CREB1: variants seen among roughly 807,000 people sequenced by gnomAD.
CREB1 encodes the protein cyclic AMP-responsive element-binding protein 1.
A neutral mutation model predicts 42.0 loss-of-function variants in CREB1; 2 were observed. The observed-to-expected ratio is 0.05, with a 90% CI of 0.02 to 0.15. The LOEUF (loss-of-function observed/expected upper bound fraction) is 0.15, where lower values mean the gene tolerates loss of function less well. CREB1 is among the 10% of genes least tolerant of loss of function. The pLI, the probability that CREB1 is intolerant of heterozygous loss-of-function variation, is 1.00. For synonymous variants in CREB1, 123 were observed against 139.9 expected (o/e 0.88, Z 0.85); for missense variants, 199 against 388.9 (o/e 0.51, Z 4.11).
chr2:207,586,607 G>T (rs1383849206), intron 7 of CREB1, among the ~76,000 whole-genome samples: 1 of 152,156 alleles, frequency 6.6e-6, no homozygotes, highest in Non-Finnish European at 1.5e-5. Context: ...AAAGGAAACA[G>T]AGTGAAGAGA....
At chr2:207,542,257 T>C (rs1395229755) in intron 1 of CREB1, among the ~76,000 whole-genome samples, 1 of 152,222 alleles carries the variant, frequency 6.6e-6, no homozygotes. Flanking sequence ...ACCAGCAGTG[T>C]ATTAGGGTTC....
At chr2:207,547,845 C>T (rs1190721020) in intron 1 of CREB1, among the ~76,000 whole-genome samples, 2 of 151,906 alleles carry the variant, frequency 1.3e-5, no homozygotes, top group African/African-American at 4.8e-5. Context: ...AGCACTACAG[C>T]TTTCTTGTTG....
intron 1 of CREB1, among the ~76,000 whole-genome samples, chr2:207,533,587 T>G (rs966715281): frequency 1.3e-5 from 2 of 152,236 alleles, no homozygotes; most frequent in African/African-American, 4.8e-5. Flanking sequence ...ACAGCCAGCT[T>G]GTGACATAGT....
chr2:207,561,211 G>A, intron 3 of CREB1: 1 of 1,453,554 alleles, frequency 6.9e-7, no homozygotes, highest in Non-Finnish European at 9.6e-7. Context: ...AAAGGAAGGT[G>A]AGAAATTATT....
intron 1 of CREB1, among the ~76,000 whole-genome samples, chr2:207,540,347 A>AT (rs1166823618): frequency 6.6e-6 from 1 of 152,144 alleles, no homozygotes. Context: ...TTAACAAAAA[A>AT]TTTTAAAAAG....
chr2:207,600,175 T>TC lies in CREB1; in HGVS notation c.*3118dup, dbSNP rs2086787069. 1.1e-5 allele frequency: 2 copies of TC among 177,084 alleles called. No individual in the cohort carries two copies. Among genetic ancestry groups the TC allele is most frequent in the African/African-American group, 4.8e-5 (2 of 42,034 alleles). 11.0% of individuals were successfully genotyped at this position (177,084 alleles called of 1,614,324 possible). On this transcript the variant is annotated 3_prime_UTR_variant, in exon 8 of 8. Coordinates refer to ENST00000353267, the MANE Select transcript of CREB1 (RefSeq NM_004379.5). ...TACCATATTGGCAACCATAATATTG[T>TC]CATAGGTGCTCTCTTCATTTAGATA...
chr2:207,550,507 T>C (rs927757899), intron 1 of CREB1: 3 of 152,160 alleles, frequency 2.0e-5, no homozygotes, highest in Admixed American at 6.5e-5. Context: ...GTGGGGAAGA[T>C]GGGTTTATTT....
intron 7 of CREB1, 82 bp downstream of exon 7, chr2:207,577,737 G>A: frequency 6.6e-7 from 1 of 1,519,720 alleles, no homozygotes; most frequent in Non-Finnish European, 9.0e-7. Context: ...TACATCTACT[G>A]GTAATAGGAT....
At chr2:207,588,492 T>C (rs2084304774) in intron 7 of CREB1, among the ~76,000 whole-genome samples, 2 of 152,216 alleles carry the variant, frequency 1.3e-5, no homozygotes, top group South Asian at 4.1e-4. Flanking sequence ...TAAAATTGTT[T>C]GGCTATTCTG....
Position 207,600,580 on chromosome 2 carries a change from A to G in CREB1, c.*3522A>G. 4.7e-6 allele frequency: 1 copy of G among 212,354 alleles called. No individual in the cohort carries two copies. The allele number at this position is 212,354 out of a possible 1,614,324, so 13.2% of individuals were successfully genotyped here. A position where few individuals can be genotyped will look rare whatever the true frequency, so the allele number is the denominator to read the frequency against. ...CTATAACAGTGGTAAGAACATTTTG[A>G]AGATAGCTTTTTAAAGGAACCACTG... is the stretch of plus-strand genomic sequence containing the variant. On this transcript the variant is annotated 3_prime_UTR_variant, in exon 8 of 8. Coordinates refer to ENST00000353267, the MANE Select transcript of CREB1 (RefSeq NM_004379.5).
chr2:207,582,360 A>G (rs888536237), intron 7 of CREB1, among the ~76,000 whole-genome samples: 11 of 152,232 alleles, frequency 7.2e-5, no homozygotes, highest in Non-Finnish European at 1.3e-4. Flanking sequence ...GGAATTTTGT[A>G]TATCTCCATC....
chr2:207,530,521 A>G (rs2080557392), intron 1 of CREB1, among the ~76,000 whole-genome samples: 1 of 144,394 alleles, frequency 6.9e-6, no homozygotes, highest in Non-Finnish European at 1.5e-5. Context: ...GGGAACCCGG[A>G]GCCGCCCCGG....
rs978292093 is a variant in CREB1, at chr2:207,602,038, A to T, written c.*4980A>T. ...TCATGAAGCTGAGTCAGTATGGAAA[A>T]TTTTCAAATAAACAGGGTGCTGAAG... On this transcript the variant is annotated 3_prime_UTR_variant, in exon 8 of 8. Coordinates refer to ENST00000353267, the MANE Select transcript of CREB1 (RefSeq NM_004379.5). The T allele has an allele frequency of 2.0e-4, 41 of 205,028 alleles. No individual in the cohort carries two copies. The highest frequency in any genetic ancestry group is 1.0e-3 in the Admixed American group (17 of 16,720). 12.7% of individuals were successfully genotyped at this position (205,028 alleles called of 1,614,324 possible). A position where few individuals can be genotyped will look rare whatever the true frequency, so the allele number is the denominator to read the frequency against.
intron 7 of CREB1, among the ~76,000 whole-genome samples, chr2:207,589,162 G>A (rs2084489103): frequency 6.6e-6 from 1 of 152,144 alleles, no homozygotes; most frequent in South Asian, 2.1e-4. Context: ...TTGTTTTCCA[G>A]TTCTATAAGA....
intron 1 of CREB1, among the ~76,000 whole-genome samples, chr2:207,552,822 G>C (rs537159722): frequency 1.2e-4 from 18 of 151,986 alleles, no homozygotes; most frequent in African/African-American, 4.3e-4. Context: ...CACCGTGTTG[G>C]CCAAGCTGAT....
At chr2:207,564,385 G>A (rs2082063904) in intron 3 of CREB1, among the ~76,000 whole-genome samples, 1 of 152,022 alleles carries the variant, frequency 6.6e-6, no homozygotes, top group South Asian at 2.1e-4. Context: ...GTGCATGCCT[G>A]CAATCCCAGC....
intron 2 of CREB1, among the ~76,000 whole-genome samples, chr2:207,558,388 A>G (rs527957163): frequency 2.4e-4 from 36 of 152,316 alleles, no homozygotes; most frequent in African/African-American, 7.9e-4. Context: ...CAGTCTGCCA[A>G]TTCTCTTTCA....
In CREB1 at chr2:207,569,479, G is replaced by A. The variant is rs543876447; in HGVS notation, c.363-700G>A. On this transcript the variant is annotated intron_variant, in intron 4 of 7. Coordinates refer to ENST00000353267, the MANE Select transcript of CREB1 (RefSeq NM_004379.5). Reference sequence around the variant, plus strand: ...AACACTTTTTTGTTTCCCAATCTGAGAAGTGAGAATTTAAAAATCAGGTTT... The same window carrying A: ...AACACTTTTTTGTTTCCCAATCTGAAAAGTGAGAATTTAAAAATCAGGTTT... Among the ~76,000 whole-genome samples, 128 of 152,138 alleles carry A rather than the reference G, an allele frequency of 8.4e-4. 3 individuals carry two copies. In the South Asian group the frequency reaches 0.026, roughly 31 times the overall value.
chr2:207,540,916 T>G (rs2081076072), intron 1 of CREB1, among the ~76,000 whole-genome samples: 1 of 152,034 alleles, frequency 6.6e-6, no homozygotes, highest in African/African-American at 2.4e-5. Flanking sequence ...AAAATTTTGT[T>G]TATATAAATT....
Sources: allele counts gnomAD v4.1 joint callset (sites outside exome capture counted in the v4.1 genomes callset), GRCh38; gene constraint gnomAD v4.1.1; transcripts MANE v1.5; gene names NCBI Gene and HGNC (gene_info 2026-07-23, HGNC 2026-07-21).